SLC4A4: variants seen among roughly 807,000 people sequenced by gnomAD.
The protein encoded by SLC4A4 is solute carrier family 4 member 4, also known as electrogenic sodium bicarbonate cotransporter 1.
Under a neutral mutation model 111.5 loss-of-function variants are expected in SLC4A4, and 27 were observed. The ratio of observed to expected loss-of-function variants is 0.24; its 90% CI spans 0.18 to 0.33. The LOEUF (loss-of-function observed/expected upper bound fraction) is 0.33. SLC4A4 is among the 10% of genes least tolerant of loss of function. SLC4A4 has a pLI of 1.00. For synonymous variants in SLC4A4, 443 were observed against 463.4 expected (o/e 0.96, Z 0.57); for missense variants, 909 against 1,315.5 (o/e 0.69, Z 4.78).
intron 7 of SLC4A4, among the ~76,000 whole-genome samples, chr4:71,436,481 A>C (rs1724157312): frequency 6.6e-6 from 1 of 152,200 alleles, no homozygotes; most frequent in Non-Finnish European, 1.5e-5. Context: ...TGGGTACAGC[A>C]AACCACCACA....
At chr4:71,177,674 T>C (rs761158761) in intron 2 of SLC4A4, among the ~76,000 whole-genome samples, 2 of 152,274 alleles carry the variant, frequency 1.3e-5, no homozygotes, top group Middle Eastern at 3.4e-3. Context: ...CCCAGATTCA[T>C]AAAGCACATC....
intron 6 of SLC4A4, among the ~76,000 whole-genome samples, chr4:71,360,091 T>C (rs1231271994): frequency 6.6e-6 from 1 of 152,208 alleles, no homozygotes; most frequent in Non-Finnish European, 1.5e-5. Flanking sequence ...TTAATAATTA[T>C]ATTAAAACAA....
intron 3 of SLC4A4, among the ~76,000 whole-genome samples, chr4:71,320,200 G>T (rs1375509976): frequency 1.3e-5 from 2 of 151,914 alleles, no homozygotes; most frequent in Admixed American, 1.3e-4. Flanking sequence ...GACAACTTAG[G>T]TATTCATATT....
At chr4:71,338,627 A>T (rs1266673206) in intron 3 of SLC4A4, among the ~76,000 whole-genome samples, 2 of 140,666 alleles carry the variant, frequency 1.4e-5, no homozygotes, top group African/African-American at 2.7e-5. Flanking sequence ...TTAATTTTTC[A>T]TTGCATGATT....
chr4:71,222,848 T>C (rs1399658875), intron 1 of SLC4A4, among the ~76,000 whole-genome samples: 2 of 152,224 alleles, frequency 1.3e-5, no homozygotes, highest in Admixed American at 1.3e-4. Context: ...AGTAGTTCCT[T>C]GGCATGTGTG....
intron 2 of SLC4A4, among the ~76,000 whole-genome samples, chr4:71,114,382 A>G (rs1158992866): frequency 3.3e-5 from 5 of 151,392 alleles, no homozygotes; most frequent in Admixed American, 2.0e-4. Context: ...AGAAACTACC[A>G]TCAGAGTGAA....
At position 71,144,583 on chromosome 4, in the gene SLC4A4, G is replaced by A. The variant is rs1050731761; in HGVS notation, c.-2+51791G>A. On this transcript the variant is annotated intron_variant, in intron 2 of 26. Coordinates refer to the SLC4A4 transcript ENST00000649996. The stretch of plus-strand genomic sequence containing the variant: ...ATTGATTCTTCCTACCCATGAGCAT[G>A]GAATGTTCTTCCATTTGTTTGTATC... 1.0e-3 allele frequency among the ~76,000 whole-genome samples: 157 copies of A among 151,660 alleles called. 1 individual carries two copies. The highest frequency in any genetic ancestry group is 6.6e-4 in the Non-Finnish European group (45 of 67,930).
Position 71,557,791 on chromosome 4 carries a change from G to C in SLC4A4, c.2843G>C (p.Arg948Pro). 1.2e-6 allele frequency: 2 copies of C among 1,612,638 alleles called. No homozygotes were observed. Among genetic ancestry groups the C allele is most frequent in the Non-Finnish European group, 1.7e-6 (2 of 1,179,230 alleles). ...ATCTACCTGCGTCATGTTCCTCTGC[G>C]CAGAGTCCACCTGTTCACTTTCCTG... Reference protein sequence around the residue: ...DFIYLRHVPLRRVHLFTFLQV... With the variant: ...DFIYLRHVPLPRVHLFTFLQV... Residue 948 changes from arginine (R) to proline (P), a missense_variant, in exon 22 of 26, where the codon CGC becomes CCC. Around this residue, in one of 7 missense-constraint regions of SLC4A4, gnomAD observed 104 missense variants for 219.5 expected, o/e 0.47. Transcript: ENST00000264485.
rs114419365 is a variant in SLC4A4, at chr4:71,195,907, C to T, written c.-2+8506C>T. On this transcript the variant is annotated intron_variant, in intron 1 of 25. Transcript: ENST00000264485. Reference sequence around the variant, plus strand: ...CCTTATTGAAATATTCCTAATGTCTCTAATACAAACCAGGTTTTTGCACCT... The same window carrying T: ...CCTTATTGAAATATTCCTAATGTCTTTAATACAAACCAGGTTTTTGCACCT... 2.1e-3 allele frequency among the ~76,000 whole-genome samples: 321 copies of T among 152,368 alleles called. 2 individuals carry two copies. Among genetic ancestry groups the T allele is most frequent in the African/African-American group, 7.2e-3 (301 of 41,584 alleles).
At position 71,164,308 on chromosome 4, in the gene SLC4A4, G is replaced by A. The variant is rs879913559; in HGVS notation, c.-2+71516G>A. On this transcript the variant is annotated intron_variant, in intron 2 of 26. Coordinates refer to the SLC4A4 transcript ENST00000649996. ...AGACAGGAGAATCGCTTGAACCTGG[G>A]AGGTGGAGGTTGTAGGGAGCCGAGA... Among the ~76,000 whole-genome samples the A allele has an allele frequency of 9.9e-5, 15 of 151,732 alleles. No homozygotes were observed. In the South Asian group the frequency reaches 1.0e-3, roughly 11 times the overall value.
chr4:71,106,991 T>TA (rs143287225), intron 2 of SLC4A4, among the ~76,000 whole-genome samples: 2,599 of 148,626 alleles, frequency 0.017, 66 homozygotes, highest in African/African-American at 0.049. Context: ...ACAGAGAAAT[T>TA]AAAAAAAAAA....
intron 18 of SLC4A4, among the ~76,000 whole-genome samples, chr4:71,534,970 T>A (rs966754397): frequency 5.2e-4 from 79 of 152,168 alleles, no homozygotes; most frequent in Admixed American, 5.2e-3. Flanking sequence ...CTGGGATATC[T>A]TTCAAGAGAG....
At chr4:71,273,277 CTCT>C (rs1384370192) in intron 3 of SLC4A4, among the ~76,000 whole-genome samples, 12 of 152,184 alleles carry the variant, frequency 7.9e-5, no homozygotes, top group African/African-American at 2.9e-4. Flanking sequence ...ATACATGCCC[CTCT>C]TCTTCACTGT....
chr4:71,563,378 T>C (rs4020546), intron 23 of SLC4A4, among the ~76,000 whole-genome samples: 131,409 of 151,352 alleles, frequency 0.87, 58,030 homozygotes, highest in Non-Finnish European at 0.96. Flanking sequence ...CATGATTTTA[T>C]CTAGAGACGG....
rs142508952 is a variant in SLC4A4 at position 71,207,900 on chromosome 4, C to T, written c.-2+20499C>T. Among the ~76,000 whole-genome samples the T allele has an allele frequency of 4.6e-5, 7 of 152,260 alleles. No homozygotes were observed. The South Asian group carries it at 6.2e-4, about 14-fold the overall frequency. On this transcript the variant is annotated intron_variant, in intron 1 of 25. Coordinates refer to ENST00000264485, the MANE Select transcript of SLC4A4 (RefSeq NM_001098484.3). Reference sequence around the variant, plus strand: ...CAATCATAGCTCACTGCAGTCTGCACGTCTTAGGCTCACGTGATCCTCCCA... The same window carrying T: ...CAATCATAGCTCACTGCAGTCTGCATGTCTTAGGCTCACGTGATCCTCCCA...
chr4:71,317,702 A>C (rs1301214987), intron 3 of SLC4A4, among the ~76,000 whole-genome samples: 1 of 152,088 alleles, frequency 6.6e-6, no homozygotes, highest in Non-Finnish European at 1.5e-5. Context: ...TCACAAATAC[A>C]GTAGAAATAG....
intron 2 of SLC4A4, among the ~76,000 whole-genome samples, chr4:71,176,018 C>T (rs1205344921): frequency 6.6e-6 from 1 of 152,176 alleles, no homozygotes; most frequent in Non-Finnish European, 1.5e-5. Flanking sequence ...TTGCTGTTCA[C>T]CAATATCCGC....
chr4:71,426,826 G>A (rs969585805), intron 7 of SLC4A4, among the ~76,000 whole-genome samples: 6 of 151,990 alleles, frequency 3.9e-5, no homozygotes, highest in African/African-American at 1.2e-4. Context: ...GCTTGGGTGT[G>A]GTGTGTACAT....
chr4:71,443,116 CTA>C (rs1168996571), intron 8 of SLC4A4, among the ~76,000 whole-genome samples: 1,368 of 65,390 alleles, frequency 0.021, 30 homozygotes, highest in East Asian at 0.11. Context: ...CTCTCTCTCT[CTA>C]TATATATATA....
Sources: gnomAD v4.1 joint callset for allele counts (sites outside exome capture counted in the v4.1 genomes callset) on GRCh38, gnomAD v4.1.1 for gene constraint, gnomAD v4.1.1 regional missense constraint, MANE v1.5 for transcripts, NCBI Gene and HGNC (gene_info 2026-07-23, HGNC 2026-07-21) for gene names.